KDM3B: variants seen among roughly 807,000 people sequenced by gnomAD.
KDM3B encodes the protein lysine demethylase 3B.
Under a neutral mutation model 170.0 loss-of-function variants are expected in KDM3B, and 10 were observed. The ratio of observed to expected loss-of-function variants is 0.06; its 90% CI spans 0.04 to 0.10. The LOEUF (loss-of-function observed/expected upper bound fraction) is 0.10. Among genes scored for constraint, KDM3B ranks in the 10% least tolerant of loss-of-function variants. KDM3B has a pLI of 1.00. For synonymous variants in KDM3B, 831 were observed against 834.8 expected (o/e 1.00, Z 0.08); for missense variants, 1,394 against 2,195.2 (o/e 0.64, Z 7.29).
At chr5:138,364,562 A>T (rs4835677) in intron 1 of KDM3B, among the ~76,000 whole-genome samples, 38,850 of 151,796 alleles carry the variant, frequency 0.26, 6,073 homozygotes, top group South Asian at 0.4. Flanking sequence ...GTATGTACAT[A>T]TTTAAGATTC....
At chr5:138,411,976 C>T (rs1445233559) in intron 11 of KDM3B, among the ~76,000 whole-genome samples, 1 of 149,280 alleles carries the variant, frequency 6.7e-6, no homozygotes, top group Non-Finnish European at 1.5e-5. Context: ...TCCCAAAGTG[C>T]TGGGATTACA....
At chr5:138,427,872 T>C in intron 19 of KDM3B, 95 bp from the exon 20 acceptor site, 1 of 1,188,228 alleles carries the variant, frequency 8.4e-7, no homozygotes, top group Non-Finnish European at 1.2e-6. Flanking sequence ...TTTACTCATT[T>C]AACAACACCC....
At chr5:138,376,916 T>C (rs751721970) in intron 3 of KDM3B, among the ~76,000 whole-genome samples, 7 of 152,022 alleles carry the variant, frequency 4.6e-5, no homozygotes, top group African/African-American at 1.2e-4. Flanking sequence ...TTTAGGGAAA[T>C]GTATTTATTT....
chr5:138,410,011 T>C (rs4835791), intron 11 of KDM3B, among the ~76,000 whole-genome samples: 106,429 of 151,792 alleles, frequency 0.7, 37,781 homozygotes, highest in South Asian at 0.86. Context: ...TGCTTGAACC[T>C]GGGAGGCAGA....
chr5:138,364,588 TAA>T (rs879790416), intron 1 of KDM3B, among the ~76,000 whole-genome samples: 1 of 145,884 alleles, frequency 6.9e-6, no homozygotes. Flanking sequence ...ATATAGCAAT[TAA>T]AAAAAAAAAA....
At chr5:138,433,316 C>A (rs1265331018) in intron 23 of KDM3B, among the ~76,000 whole-genome samples, 1 of 150,338 alleles carries the variant, frequency 6.7e-6, no homozygotes, top group Non-Finnish European at 1.5e-5. Flanking sequence ...GTTTCACCAT[C>A]TTGGCCAGGC....
chr5:138,375,606 C>T (rs1761977916), intron 3 of KDM3B, among the ~76,000 whole-genome samples: 1 of 152,062 alleles, frequency 6.6e-6, no homozygotes, highest in South Asian at 2.1e-4. Context: ...TCTTGATCTC[C>T]TGACCTCGTG....
chr5:138,354,696 C>T (rs1268963316), intron 1 of KDM3B, among the ~76,000 whole-genome samples: 1 of 152,146 alleles, frequency 6.6e-6, no homozygotes, highest in African/African-American at 2.4e-5. Context: ...ACCACTGATC[C>T]CACGGAACTG....
intron 1 of KDM3B, among the ~76,000 whole-genome samples, chr5:138,358,776 A>ATT (rs1413349391): frequency 1.4e-5 from 2 of 139,690 alleles, no homozygotes; most frequent in East Asian, 4.4e-4. Flanking sequence ...TTATTTATTT[A>ATT]TTTATTTTTA....
intron 7 of KDM3B, among the ~76,000 whole-genome samples, chr5:138,387,777 T>C (rs1291122692): frequency 6.6e-6 from 1 of 152,170 alleles, no homozygotes; most frequent in Non-Finnish European, 1.5e-5. Flanking sequence ...AGTGTCTGAA[T>C]TATTTAAAAA....
intron 1 of KDM3B, among the ~76,000 whole-genome samples, chr5:138,369,666 A>C (rs1761826813): frequency 6.6e-6 from 1 of 152,168 alleles, no homozygotes; most frequent in Non-Finnish European, 1.5e-5. Context: ...CCCAGAGCTT[A>C]ACTGGGGCTT....
chr5:138,422,452 C>T (rs1580950899), intron 15 of KDM3B, among the ~76,000 whole-genome samples: 1 of 152,094 alleles, frequency 6.6e-6, no homozygotes, highest in African/African-American at 2.4e-5. Flanking sequence ...ACCTGACCAA[C>T]GTAGCAAAAT....
At chr5:138,382,277 G>A (rs748847409) in intron 6 of KDM3B, among the ~76,000 whole-genome samples, 55 of 151,746 alleles carry the variant, frequency 3.6e-4, no homozygotes, top group Non-Finnish European at 7.4e-4. Flanking sequence ...GTGAAACGCT[G>A]TCTCTACAAA....
Position 138,420,933 on chromosome 5 carries a change from T to A in KDM3B, c.3943T>A (p.Phe1315Ile), listed in dbSNP as rs1199546839. 1 of 1,613,902 alleles carries A rather than the reference T, an allele frequency of 6.2e-7. No homozygotes were observed. Among genetic ancestry groups the A allele is most frequent in the African/African-American group, 1.3e-5 (1 of 74,904 alleles). Residue 1315 changes from phenylalanine to isoleucine, a missense_variant, in exon 15 of 24, where the codon TTT (phenylalanine) becomes ATT (isoleucine). Coordinates refer to ENST00000314358, the MANE Select transcript of KDM3B (RefSeq NM_016604.4). ...PQTPLDTGIP[F>I]PPVFSTSSAG... ...AACCCCCTTGGACACAGGCATACCC[T>A]TTCCCCCGGTCTTCTCTACATCCTC...
In KDM3B at chr5:138,435,748, A is replaced by G. The variant is rs1348085209; in HGVS notation, c.*48A>G. ...TCTGTGAAGCAGGTCTTTCACTCAC[A>G]ACACTTAACAGGGAACGGCAGGGCT... On this transcript the variant is annotated 3_prime_UTR_variant, in exon 24 of 24. Coordinates refer to ENST00000314358, the MANE Select transcript of KDM3B (RefSeq NM_016604.4). The G allele has an allele frequency of 7.1e-7, 1 of 1,417,992 alleles. No individual in the cohort carries two copies. Among genetic ancestry groups the G allele is most frequent in the East Asian group, 2.3e-5 (1 of 42,664 alleles). The allele number at this position is 1,417,992 out of a possible 1,614,324, so 87.8% of individuals were successfully genotyped here.
chr5:138,360,799 C>T (rs536582347), intron 1 of KDM3B, among the ~76,000 whole-genome samples: 4 of 152,084 alleles, frequency 2.6e-5, no homozygotes, highest in Non-Finnish European at 5.9e-5. Flanking sequence ...ACCATGTTGG[C>T]CAGGCTGGTC....
intron 5 of KDM3B, among the ~76,000 whole-genome samples, chr5:138,380,171 A>G (rs1020490029): frequency 1.3e-5 from 2 of 151,948 alleles, no homozygotes; most frequent in African/African-American, 4.8e-5. Flanking sequence ...TATTTTTTGT[A>G]GAGAAGGAGT....
At chr5:138,388,357 A>G (rs1019808323) in intron 7 of KDM3B, among the ~76,000 whole-genome samples, 4 of 151,956 alleles carry the variant, frequency 2.6e-5, no homozygotes, top group African/African-American at 9.7e-5. Context: ...TGAGCCAGGC[A>G]TAGTACAGCT....
chr5:138,380,845 G>A (rs552291885), intron 5 of KDM3B, among the ~76,000 whole-genome samples: 1 of 150,936 alleles, frequency 6.6e-6, no homozygotes, highest in Admixed American at 6.6e-5. Context: ...TTACAGGCAT[G>A]ATCCACCATG....
Sources: gnomAD v4.1 joint callset for allele counts (sites outside exome capture counted in the v4.1 genomes callset) on GRCh38, gnomAD v4.1.1 for gene constraint, MANE v1.5 for transcripts, NCBI Gene and HGNC (gene_info 2026-07-23, HGNC 2026-07-21) for gene names.